Variants in SND1 observed in about 807,000 individuals in gnomAD.
The protein encoded by SND1 is staphylococcal nuclease domain-containing protein 1.
SND1 carries 38 observed loss-of-function variants against 121.7 expected under a neutral mutation model. The ratio of observed to expected loss-of-function variants is 0.31; its 90% CI spans 0.24 to 0.41. The LOEUF (loss-of-function observed/expected upper bound fraction) is 0.41. Among genes scored for constraint, SND1 ranks in the 10% least tolerant of loss-of-function variants. The pLI, the probability that SND1 is intolerant of heterozygous loss-of-function variation, is 1.00. For missense variants in SND1, 868 were observed against 1,184.6 expected, an observed-to-expected ratio of 0.73 and a Z score of 3.92; for synonymous variants, 401 against 447.4, an observed-to-expected ratio of 0.90 and a Z score of 1.31.
Position 128,024,898 on chromosome 7 carries a change from G to A in SND1, c.1779+33842G>A, listed in dbSNP as rs187501062. On this transcript the variant is annotated intron_variant, in intron 16 of 23. Transcript: ENST00000354725. ...GGTAAGCAAAAACCACTCCATTATG[G>A]GGAACCTCTGTGGTCCAGTAGGTGT... is the stretch of plus-strand genomic sequence containing the variant. 6.2e-4 allele frequency among the ~76,000 whole-genome samples: 95 copies of A among 152,242 alleles called. 2 individuals carry two copies. In the East Asian group the frequency reaches 0.016, roughly 26 times the overall value.
intron 11 of SND1, among the ~76,000 whole-genome samples, chr7:127,812,467 C>A (rs1393835465): frequency 6.6e-6 from 1 of 152,198 alleles, no homozygotes; most frequent in Non-Finnish European, 1.5e-5. Context: ...GTGAAGTCCT[C>A]GATAACATTG....
intron 14 of SND1, among the ~76,000 whole-genome samples, chr7:127,925,206 A>T (rs561493095): frequency 7.2e-5 from 11 of 152,324 alleles, no homozygotes; most frequent in Admixed American, 7.2e-4. Flanking sequence ...GAAAATACTT[A>T]TGTATAGTTT....
chr7:127,779,873 G>A (rs1439787962), intron 10 of SND1, among the ~76,000 whole-genome samples: 2 of 152,188 alleles, frequency 1.3e-5, no homozygotes, highest in African/African-American at 4.8e-5. Flanking sequence ...AAGGAGTCGG[G>A]ACCATCTCTG....
At chr7:128,068,553 G>T (rs1793355793) in intron 16 of SND1, among the ~76,000 whole-genome samples, 1 of 152,206 alleles carries the variant, frequency 6.6e-6, no homozygotes, top group Non-Finnish European at 1.5e-5. Flanking sequence ...AACAGTTTGG[G>T]GTGGGGACAG....
chr7:127,658,485 A>G (rs1422257007), intron 1 of SND1, among the ~76,000 whole-genome samples: 1 of 152,234 alleles, frequency 6.6e-6, no homozygotes, highest in Non-Finnish European at 1.5e-5. Context: ...AAATGCCAAA[A>G]GTAGGCTTTA....
chr7:128,039,104 C>T (rs775233212), intron 16 of SND1, among the ~76,000 whole-genome samples: 12 of 152,208 alleles, frequency 7.9e-5, no homozygotes, highest in Non-Finnish European at 1.8e-4. Flanking sequence ...CTGGAATACT[C>T]TTACATGGTT....
chr7:127,977,501 T>TA (rs955774906), intron 15 of SND1, among the ~76,000 whole-genome samples: 12 of 145,732 alleles, frequency 8.2e-5, no homozygotes, highest in East Asian at 4.0e-4. Context: ...TGGAAGCAAA[T>TA]AAAAAAAAAA....
At chr7:127,759,955 G>A (rs1183981671) in intron 10 of SND1, among the ~76,000 whole-genome samples, 1 of 152,050 alleles carries the variant, frequency 6.6e-6, no homozygotes, top group Non-Finnish European at 1.5e-5. Context: ...ACCCTATAGT[G>A]CCCCAATCAG....
chr7:128,082,897 G>A (rs1793630040), intron 18 of SND1, among the ~76,000 whole-genome samples: 1 of 152,194 alleles, frequency 6.6e-6, no homozygotes, highest in Non-Finnish European at 1.5e-5. Flanking sequence ...TGAAGTCTTA[G>A]AGAGCAGAAA....
At chr7:128,067,521 C>A (rs1455847093) in intron 16 of SND1, among the ~76,000 whole-genome samples, 1 of 152,190 alleles carries the variant, frequency 6.6e-6, no homozygotes, top group African/African-American at 2.4e-5. Context: ...TGACTTCCTT[C>A]CCAGATGCCT....
chr7:127,702,087 T>TA (rs1231884346), intron 5 of SND1, among the ~76,000 whole-genome samples: 1 of 152,228 alleles, frequency 6.6e-6, no homozygotes, highest in Non-Finnish European at 1.5e-5. Context: ...GCAGACTCTG[T>TA]AAAATAAGAT....
intron 16 of SND1, among the ~76,000 whole-genome samples, chr7:128,017,440 GCC>G (rs1803249480): frequency 6.6e-6 from 1 of 152,208 alleles, no homozygotes; most frequent in Non-Finnish European, 1.5e-5. Context: ...CCAGTACAGG[GCC>G]ACCTCTCAGG....
rs575486175 is a variant in SND1, at chr7:127,721,486, C to T, written c.1152+86C>T. ...TGATTAATATATGACATATATAATACATATATGTGGGAATGCAAAGGGACA... is the reference window on the plus strand; with the variant it reads ...TGATTAATATATGACATATATAATATATATATGTGGGAATGCAAAGGGACA... On this transcript the variant is annotated intron_variant, in intron 10 of 23. Transcript: ENST00000354725. The T allele has an allele frequency of 4.4e-5, 30 of 685,018 alleles. No homozygotes were observed. In the East Asian group the frequency reaches 6.9e-4, roughly 16 times the overall value. The allele number at this position is 685,018 out of a possible 1,614,324, so 42.4% of individuals were successfully genotyped here.
chr7:128,090,963 C>A (rs1159270237), intron 22 of SND1, among the ~76,000 whole-genome samples: 1 of 152,182 alleles, frequency 6.6e-6, no homozygotes, highest in Non-Finnish European at 1.5e-5. Flanking sequence ...CCTTCTGCCG[C>A]AGTCCCTGAG....
At chr7:127,819,901 A>C (rs1798516672) in intron 11 of SND1, among the ~76,000 whole-genome samples, 1 of 152,194 alleles carries the variant, frequency 6.6e-6, no homozygotes, top group Non-Finnish European at 1.5e-5. Context: ...CCACTGGGTG[A>C]TTCTTTGAAC....
At chr7:127,968,025 T>G (rs977088755) in intron 15 of SND1, among the ~76,000 whole-genome samples, 6 of 152,212 alleles carry the variant, frequency 3.9e-5, no homozygotes, top group African/African-American at 1.4e-4. Flanking sequence ...GTGAGAACAC[T>G]AAGGCTCTGC....
intron 10 of SND1, among the ~76,000 whole-genome samples, chr7:127,753,878 C>G (rs1339563002): frequency 6.6e-6 from 1 of 152,170 alleles, no homozygotes; most frequent in Non-Finnish European, 1.5e-5. Context: ...TTTGTCAATA[C>G]TACACCCATC....
intron 10 of SND1, among the ~76,000 whole-genome samples, chr7:127,791,204 A>G (rs1797904889): frequency 7.4e-6 from 1 of 135,646 alleles, no homozygotes; most frequent in Non-Finnish European, 1.5e-5. Context: ...GCTGGAGTGC[A>G]GTGGTGCTAT....
Position 127,690,381 on chromosome 7 carries a change from G to C in SND1, c.228+3619G>C, listed in dbSNP as rs1795892538. Among the ~76,000 whole-genome samples the C allele has an allele frequency of 2.0e-5, 3 of 152,116 alleles. No individual in the cohort carries two copies. The South Asian group carries it at 6.2e-4, about 32-fold the overall frequency. On this transcript the variant is annotated intron_variant, in intron 2 of 23. Transcript: ENST00000354725. The stretch of plus-strand genomic sequence containing the variant: ...GAACTTAAGTCTTCCTACAGGCTGG[G>C]GTCCTGCCTTCTGCCCTCAGCTCAT...
Sources: gnomAD v4.1 joint callset for allele counts (sites outside exome capture counted in the v4.1 genomes callset) on GRCh38, gnomAD v4.1.1 for gene constraint, MANE v1.5 for transcripts, NCBI Gene and HGNC (gene_info 2026-07-23, HGNC 2026-07-21) for gene names.